The following PRKCZ variants were observed in gnomAD, a reference collection of about 807,000 sequenced individuals.
PRKCZ encodes protein kinase C zeta type.
Under a neutral mutation model 79.5 loss-of-function variants are expected in PRKCZ, and 33 were observed. That is an observed-to-expected ratio of 0.41 (90% CI 0.31 to 0.55). PRKCZ has a LOEUF of 0.55. Among genes scored for constraint, PRKCZ ranks in the 20% least tolerant of loss-of-function variants. PRKCZ has a pLI of 0.19. For missense variants in PRKCZ, 578 were observed against 813.5 expected (o/e 0.71, Z 3.52); for synonymous variants, 342 against 320.9 (o/e 1.07, Z -0.70).
chr1:2,100,750 AG>A lies in PRKCZ; in HGVS notation c.335-34510del, dbSNP rs1258819824. Reference sequence around the variant, plus strand: ...TTTTGAGGCCGGCCCAGCCCTGAGCAGGTGGGGTCTGCAGAGGCCTCGTGGG... The same window carrying A: ...TTTTGAGGCCGGCCCAGCCCTGAGCAGTGGGGTCTGCAGAGGCCTCGTGGG... On this transcript the variant is annotated intron_variant, in intron 4 of 17. Transcript: ENST00000378567. Among the ~76,000 whole-genome samples, 12 of 152,272 alleles carry A rather than the reference AG, an allele frequency of 7.9e-5. No homozygotes were observed. In the East Asian group the frequency reaches 2.3e-3, roughly 29 times the overall value.
At chr1:2,155,902 A>G in intron 9 of PRKCZ, 93 bp from the exon 10 acceptor site, 1 of 1,072,254 alleles carries the variant, frequency 9.3e-7, no homozygotes, top group Non-Finnish European at 1.4e-6. Flanking sequence ...CTGAAAGCGG[A>G]GGAAAGAGAC....
At chr1:2,130,715 G>T (rs1674787880) in intron 4 of PRKCZ, among the ~76,000 whole-genome samples, 1 of 151,726 alleles carries the variant, frequency 6.6e-6, no homozygotes, top group Non-Finnish European at 1.5e-5. Flanking sequence ...CTGCATTGTG[G>T]TGGGCAGTCT....
chr1:2,179,924 A>T (rs1055177839), intron 16 of PRKCZ, among the ~76,000 whole-genome samples: 1 of 151,986 alleles, frequency 6.6e-6, no homozygotes, highest in Non-Finnish European at 1.5e-5. Context: ...GACGCAGAGG[A>T]GGGCAGGTGA....
At chr1:2,095,860 C>T (rs1299533160) in intron 4 of PRKCZ, among the ~76,000 whole-genome samples, 1 of 124,574 alleles carries the variant, frequency 8.0e-6, no homozygotes, top group Non-Finnish European at 1.7e-5. Context: ...CTCCCTTCCC[C>T]TCCCTTCTTT....
chr1:2,051,505 C>G (rs557085398), intron 1 of PRKCZ, among the ~76,000 whole-genome samples: 1 of 152,342 alleles, frequency 6.6e-6, no homozygotes, highest in East Asian at 1.9e-4. Flanking sequence ...GAACTGGGAC[C>G]TCCGCTCCCG....
intron 4 of PRKCZ, among the ~76,000 whole-genome samples, chr1:2,072,927 A>G (rs763905723): frequency 2.0e-5 from 3 of 152,078 alleles, no homozygotes; most frequent in Non-Finnish European, 4.4e-5. Context: ...AGTGGGCAGA[A>G]TTCCCAGCTG....
chr1:2,155,098 GATGATGGTGATGATGATGGTGACA>G (rs1351920972), intron 9 of PRKCZ, among the ~76,000 whole-genome samples: 1 of 152,194 alleles, frequency 6.6e-6, no homozygotes, highest in Non-Finnish European at 1.5e-5. Context: ...TCGTGGTGAA[GATGATGGTGATGATGATGGTGACA>G]ATGATGGTGA....
chr1:2,048,916 A>AG (rs1429389463), upstream of PRKCZ, among the ~76,000 whole-genome samples: 8 of 152,250 alleles, frequency 5.3e-5, no homozygotes, highest in Admixed American at 5.2e-4. Context: ...CTGTAATCCC[A>AG]GCACTTTGGG....
At chr1:2,101,304 A>G (rs148489494) in intron 4 of PRKCZ, among the ~76,000 whole-genome samples, 318 of 152,256 alleles carry the variant, frequency 2.1e-3, no homozygotes, top group Middle Eastern at 0.014. Context: ...AGCAAAATGC[A>G]CTGGCCACGT....
chr1:2,129,837 G>C (rs574729957), intron 4 of PRKCZ, among the ~76,000 whole-genome samples: 3 of 152,214 alleles, frequency 2.0e-5, no homozygotes, highest in Admixed American at 6.5e-5. Flanking sequence ...GTTCTCCACA[G>C]CCTTTGCAGT....
chr1:2,057,071 C>A (rs899859404), intron 3 of PRKCZ, among the ~76,000 whole-genome samples: 4 of 152,182 alleles, frequency 2.6e-5, no homozygotes, highest in Non-Finnish European at 5.9e-5. Context: ...CTGCTCTTAA[C>A]AAAGAACCCG....
chr1:2,090,429 G>C (rs1272567788), intron 4 of PRKCZ, among the ~76,000 whole-genome samples: 1 of 152,146 alleles, frequency 6.6e-6, no homozygotes, highest in Non-Finnish European at 1.5e-5. Flanking sequence ...GCACTGCCAG[G>C]GCCCGTGCCC....
chr1:2,102,489 C>T (rs571062330), intron 4 of PRKCZ, among the ~76,000 whole-genome samples: 35 of 151,998 alleles, frequency 2.3e-4, no homozygotes, highest in African/African-American at 6.5e-4. Flanking sequence ...CCCACCACCA[C>T]GTCCCGCTAA....
chr1:2,176,395 C>T (rs1426319015), intron 16 of PRKCZ, among the ~76,000 whole-genome samples: 5 of 151,968 alleles, frequency 3.3e-5, no homozygotes, highest in Non-Finnish European at 7.4e-5. Context: ...TCCAGCGCCG[C>T]TCGGTCGTGG....
At chr1:2,085,596 G>A (rs909684969) in intron 4 of PRKCZ, among the ~76,000 whole-genome samples, 1 of 152,208 alleles carries the variant, frequency 6.6e-6, no homozygotes, top group African/African-American at 2.4e-5. Flanking sequence ...GGATATGGGG[G>A]GCCCTGTTCT....
intron 4 of PRKCZ, among the ~76,000 whole-genome samples, chr1:2,117,054 A>G (rs1398478465): frequency 6.6e-6 from 1 of 151,850 alleles, no homozygotes; most frequent in African/African-American, 2.4e-5. Context: ...GGCTCAAGCA[A>G]TCCTCCCACC....
chr1:2,143,875 G>A (rs1411678531), intron 5 of PRKCZ: 3 of 254,050 alleles, frequency 1.2e-5, no homozygotes, highest in Non-Finnish European at 2.4e-5. Context: ...AGCGCAGCAG[G>A]AGCTGCAGCC....
At chr1:2,055,610 C>A in intron 2 of PRKCZ, 48 bp downstream of exon 2, 1 of 1,584,382 alleles carries the variant, frequency 6.3e-7, no homozygotes, top group Admixed American at 1.8e-5. Flanking sequence ...CAGGGGACTT[C>A]GCCAGGGCAG....
chr1:2,086,492 C>G (rs1201374603), intron 4 of PRKCZ, among the ~76,000 whole-genome samples: 1 of 152,200 alleles, frequency 6.6e-6, no homozygotes, highest in Admixed American at 6.5e-5. Context: ...GCGGCTCCCC[C>G]CATGCTACCC....
Sources: allele counts gnomAD v4.1 joint callset (sites outside exome capture counted in the v4.1 genomes callset), GRCh38; gene constraint gnomAD v4.1.1; transcripts MANE v1.5; gene names NCBI Gene and HGNC (gene_info 2026-07-23, HGNC 2026-07-21).